Variants in ANTXR2 observed in about 807,000 individuals in gnomAD.
ANTXR2 encodes the protein ANTXR cell adhesion molecule 2, also known as anthrax toxin receptor 2.
ANTXR2 carries 44 observed loss-of-function variants against 73.7 expected under a neutral mutation model. The observed-to-expected ratio is 0.60, with a 90% CI of 0.47 to 0.77. ANTXR2 has a LOEUF of 0.77. Ranked by LOEUF, ANTXR2 falls within the 30% of genes least tolerant of loss-of-function variation. The pLI is 0.00. For synonymous variants in ANTXR2, 217 were observed against 205.9 expected, an observed-to-expected ratio of 1.05 and a Z score of -0.46; for missense variants, 604 against 592.5, an observed-to-expected ratio of 1.02 and a Z score of -0.20.
At chr4:79,992,701 C>T (rs1730530266) in intron 12 of ANTXR2, among the ~76,000 whole-genome samples, 1 of 151,976 alleles carries the variant, frequency 6.6e-6, no homozygotes, top group Admixed American at 6.6e-5. Flanking sequence ...TGACTATGAA[C>T]TTGCATGTCC....
At chr4:80,067,590 GA>G (rs906311814) in intron 3 of ANTXR2, among the ~76,000 whole-genome samples, 23 of 152,004 alleles carry the variant, frequency 1.5e-4, no homozygotes, top group African/African-American at 5.6e-4. Flanking sequence ...GGGCAATGGA[GA>G]AAATTTATTT....
chr4:79,988,227 TTTTATATATATATATATATATATA>T (rs1560947165), intron 12 of ANTXR2, among the ~76,000 whole-genome samples: 1 of 90,482 alleles, frequency 1.1e-5, no homozygotes, highest in Non-Finnish European at 2.1e-5. Context: ...CTCACATAAA[TTTTATATATATATATATATATATA>T]TATATATATA....
chr4:79,912,581 A>G (rs778969495), intron 16 of ANTXR2, among the ~76,000 whole-genome samples: 4 of 152,094 alleles, frequency 2.6e-5, no homozygotes, highest in Admixed American at 2.6e-4. Context: ...TTGCTAGTGG[A>G]AGTTAAAATT....
chr4:79,952,137 G>A (rs79473017), intron 16 of ANTXR2, among the ~76,000 whole-genome samples: 13,753 of 150,964 alleles, frequency 0.091, 722 homozygotes, highest in Middle Eastern at 0.23. Flanking sequence ...AATTATAATT[G>A]TGGAGTTTTC....
intron 16 of ANTXR2, among the ~76,000 whole-genome samples, chr4:79,926,256 T>G (rs35458673): frequency 5.3e-5 from 8 of 152,254 alleles, no homozygotes; most frequent in Admixed American, 5.2e-4. Context: ...TAGTTAACCA[T>G]GATATTCAAT....
chr4:80,013,904 A>G (rs1036326161), intron 11 of ANTXR2, among the ~76,000 whole-genome samples: 3 of 152,170 alleles, frequency 2.0e-5, no homozygotes, highest in African/African-American at 7.2e-5. Flanking sequence ...TGTAGTATTT[A>G]TTATCCTGTA....
chr4:80,025,305 T>C (rs753407803), intron 10 of ANTXR2, among the ~76,000 whole-genome samples: 3 of 152,202 alleles, frequency 2.0e-5, no homozygotes, highest in Non-Finnish European at 4.4e-5. Context: ...GGAGAATGGC[T>C]CAGTGCCATA....
At chr4:80,044,421 T>C (rs903336974) in intron 7 of ANTXR2, among the ~76,000 whole-genome samples, 1 of 151,920 alleles carries the variant, frequency 6.6e-6, no homozygotes, top group Non-Finnish European at 1.5e-5. Flanking sequence ...ATGGATATAG[T>C]TATGGCCTTT....
intron 13 of ANTXR2, among the ~76,000 whole-genome samples, chr4:79,984,335 T>G (rs577400240): frequency 6.6e-6 from 1 of 152,214 alleles, no homozygotes; most frequent in Non-Finnish European, 1.5e-5. Flanking sequence ...TCAATGTGTG[T>G]GTAGGTTTGG....
chr4:80,000,994 T>G (rs957599572), intron 12 of ANTXR2, among the ~76,000 whole-genome samples: 1 of 152,048 alleles, frequency 6.6e-6, no homozygotes, highest in African/African-American at 2.4e-5. Flanking sequence ...CGTGAGGCAC[T>G]TCTGAAAATT....
intron 3 of ANTXR2, among the ~76,000 whole-genome samples, chr4:80,063,784 G>A (rs1349279176): frequency 2.6e-5 from 4 of 152,078 alleles, no homozygotes; most frequent in Non-Finnish European, 5.9e-5. Context: ...TCCATCCAAT[G>A]TATATGTTCT....
At chr4:79,932,960 T>C (rs1378034077) in intron 16 of ANTXR2, among the ~76,000 whole-genome samples, 3 of 152,172 alleles carry the variant, frequency 2.0e-5, no homozygotes, top group African/African-American at 4.8e-5. Flanking sequence ...AAAGGAGTGA[T>C]ACATTTTTCT....
intron 3 of ANTXR2, 29 bp from the exon 4 acceptor site, chr4:80,056,042 A>C: frequency 6.9e-7 from 1 of 1,444,550 alleles, no homozygotes; most frequent in Middle Eastern, 1.8e-4. Flanking sequence ...AAAAGAAAAA[A>C]TGAGCAAAGA....
At chr4:79,913,432 C>CTAT (rs1267296515) in intron 16 of ANTXR2, among the ~76,000 whole-genome samples, 1 of 152,120 alleles carries the variant, frequency 6.6e-6, no homozygotes, top group Admixed American at 6.6e-5. Context: ...GTGTGTATGT[C>CTAT]TATAAGTGCA....
At chr4:80,053,691 T>C (rs1733862644) in intron 7 of ANTXR2, among the ~76,000 whole-genome samples, 1 of 151,696 alleles carries the variant, frequency 6.6e-6, no homozygotes, top group Non-Finnish European at 1.5e-5. Context: ...GAGTTTTGCT[T>C]TGCATTTCAT....
chr4:79,990,817 C>T (rs1292772467), intron 12 of ANTXR2, among the ~76,000 whole-genome samples: 4 of 151,972 alleles, frequency 2.6e-5, no homozygotes, highest in Non-Finnish European at 4.4e-5. Flanking sequence ...ACACCTACGA[C>T]CATCTGATCT....
intron 16 of ANTXR2, among the ~76,000 whole-genome samples, chr4:79,959,597 C>T (rs932361734): frequency 1.3e-5 from 2 of 152,196 alleles, no homozygotes; most frequent in Admixed American, 6.5e-5. Flanking sequence ...AAAATCTTGA[C>T]CCTGCTCACT....
chr4:79,990,015 G>T (rs1033873027), intron 12 of ANTXR2, among the ~76,000 whole-genome samples: 5 of 151,884 alleles, frequency 3.3e-5, no homozygotes, highest in Admixed American at 2.0e-4. Flanking sequence ...TAAACCCACA[G>T]CCAACATTAT....
chr4:80,072,267 T>C, intron 1 of ANTXR2, 142 bp downstream of exon 1: 3 of 982,242 alleles, frequency 3.1e-6, no homozygotes, highest in Non-Finnish European at 4.3e-6. Context: ...GCGCTTGCCC[T>C]TTGAAAGAAG....
Sources: allele counts gnomAD v4.1 joint callset (sites outside exome capture counted in the v4.1 genomes callset), GRCh38; gene constraint gnomAD v4.1.1; transcripts MANE v1.5; gene names NCBI Gene and HGNC (gene_info 2026-07-23, HGNC 2026-07-21).